The following NTRK3 variants were observed in gnomAD, a reference collection of about 807,000 sequenced individuals.
NTRK3 encodes the protein neurotrophic receptor tyrosine kinase 3.
A neutral mutation model predicts 91.7 loss-of-function variants in NTRK3; 24 were observed. The observed-to-expected ratio is 0.26, with a 90% CI of 0.19 to 0.37. The LOEUF is 0.37. NTRK3 is among the 10% of genes least tolerant of loss of function. NTRK3 has a pLI of 1.00. For synonymous variants in NTRK3, 483 were observed against 404.0 expected, an observed-to-expected ratio of 1.20 and a Z score of -2.34; for missense variants, 880 against 1,068.9, an observed-to-expected ratio of 0.82 and a Z score of 2.46.
In NTRK3 at chr15:87,877,088, C is replaced by T; in HGVS notation, c.2325G>A (p.Leu775=). The stretch of plus-strand genomic sequence containing the variant: ...CTTTGGGGCAGACTCGGGGCCGCTC[C>T]AAAACACGACCTTGGGTAATGCACT... Residue 775 remains leucine (L), a synonymous_variant, in exon 19 of 19, where the codon TTG becomes TTA. Coordinates refer to ENST00000394480, the Ensembl canonical transcript of NTRK3. 1.9e-6 allele frequency: 3 copies of T among 1,614,050 alleles called. No individual in the cohort carries two copies. The South Asian group carries it at 3.3e-5, about 18-fold the overall frequency.
At chr15:88,020,766 C>A (rs762625695) in intron 14 of NTRK3, among the ~76,000 whole-genome samples, 28 of 152,076 alleles carry the variant, frequency 1.8e-4, no homozygotes, top group Non-Finnish European at 2.8e-4. Flanking sequence ...CTAAGGCCAC[C>A]CACTCTCATG....
At chr15:87,863,606 G>A (rs549629962) in exon 19 of NTRK3, 46 of 220,280 alleles carry the variant, frequency 2.1e-4, no homozygotes, top group Admixed American at 1.7e-4. Context: ...CAGTTAATGC[G>A]TGCCAAAGTA....
At chr15:87,942,611 T>C (rs1254639499) in intron 14 of NTRK3, among the ~76,000 whole-genome samples, 1 of 151,992 alleles carries the variant, frequency 6.6e-6, no homozygotes, top group African/African-American at 2.4e-5. Context: ...CAAGCCCACA[T>C]CTCTGAACAC....
intron 14 of NTRK3, among the ~76,000 whole-genome samples, chr15:88,008,719 T>C (rs1422363448): frequency 6.6e-6 from 1 of 152,178 alleles, no homozygotes; most frequent in African/African-American, 2.4e-5. Context: ...CCCCAGCGAT[T>C]CTTCATATTA....
chr15:88,238,858 A>T (rs1359910740), intron 3 of NTRK3, among the ~76,000 whole-genome samples: 1 of 152,206 alleles, frequency 6.6e-6, no homozygotes, highest in African/African-American at 2.4e-5. Context: ...TGCAATAAAC[A>T]TGGGAACATG....
intron 17 of NTRK3, among the ~76,000 whole-genome samples, chr15:87,905,367 C>G (rs560120684): frequency 5.9e-5 from 9 of 152,162 alleles, no homozygotes; most frequent in African/African-American, 2.2e-4. Context: ...TGTAGCAGGT[C>G]TCTCTTCCGC....
chr15:88,232,894 C>G (rs35900795), intron 3 of NTRK3, among the ~76,000 whole-genome samples: 6 of 152,196 alleles, frequency 3.9e-5, no homozygotes, highest in Admixed American at 6.5e-5. Flanking sequence ...CACCCAGGAA[C>G]CCATCCCCCA....
At chr15:87,890,385 A>G (rs893898535) in intron 17 of NTRK3, among the ~76,000 whole-genome samples, 1 of 152,190 alleles carries the variant, frequency 6.6e-6, no homozygotes, top group Non-Finnish European at 1.5e-5. Flanking sequence ...ATCTTTTATA[A>G]ATAAAAAGTT....
At chr15:88,117,407 A>G (rs1471384616) in intron 13 of NTRK3, among the ~76,000 whole-genome samples, 2 of 152,212 alleles carry the variant, frequency 1.3e-5, no homozygotes, top group Non-Finnish European at 2.9e-5. Flanking sequence ...TGAAAAACCA[A>G]CTGATATTCT....
At chr15:88,105,962 T>C (rs2050660298) in intron 13 of NTRK3, among the ~76,000 whole-genome samples, 1 of 152,234 alleles carries the variant, frequency 6.6e-6, no homozygotes, top group African/African-American at 2.4e-5. Flanking sequence ...AGGACTCCAA[T>C]TCCAGTCTTA....
exon 19 of NTRK3, chr15:87,874,822 T>C (rs2064907159): frequency 8.6e-6 from 2 of 231,580 alleles, no homozygotes; most frequent in Admixed American, 1.1e-4. Flanking sequence ...AGAGGAGTAA[T>C]TGTCATAGGA....
At chr15:88,209,813 C>G (rs2049090033) in intron 3 of NTRK3, among the ~76,000 whole-genome samples, 1 of 152,246 alleles carries the variant, frequency 6.6e-6, no homozygotes, top group Non-Finnish European at 1.5e-5. Flanking sequence ...AACCCAGCCC[C>G]CAGCCAGTTG....
Position 88,255,096 on chromosome 15 carries a change from C to G in NTRK3, c.248+810G>C, listed in dbSNP as rs762695142. Among the ~76,000 whole-genome samples the G allele has an allele frequency of 6.6e-6, 1 of 152,276 alleles. No homozygotes were observed. Among genetic ancestry groups the G allele is most frequent in the East Asian group, 1.9e-4 (1 of 5,160 alleles). The stretch of plus-strand genomic sequence containing the variant: ...GTTGAATGTTCCAAATGAACCGATC[C>G]GCACGATCACACAAGAAACCCCTCT... On this transcript the variant is annotated intron_variant, in intron 3 of 18. Coordinates refer to ENST00000394480, the Ensembl canonical transcript of NTRK3. This position sits in a 1 kb window ranked among gnomAD's most constrained non-coding sequence, Gnocchi z 4.3.
At chr15:88,035,808 A>G (rs1464100501) in intron 13 of NTRK3, among the ~76,000 whole-genome samples, 1 of 152,238 alleles carries the variant, frequency 6.6e-6, no homozygotes, top group African/African-American at 2.4e-5. Context: ...CAGAGATGTC[A>G]GTGAAAACAC....
rs537424535 is a variant in NTRK3 at position 88,240,888 on chromosome 15, G to A, written c.248+15018C>T. Among the ~76,000 whole-genome samples, 7 of 152,366 alleles carry A rather than the reference G, an allele frequency of 4.6e-5. No individual in the cohort carries two copies. The highest frequency in any genetic ancestry group is 3.9e-4 in the Admixed American group (6 of 15,314). The stretch of plus-strand genomic sequence containing the variant: ...AGGGCAAAGCCCGAGGCCCACAAAG[G>A]TGTGGAGAGCAATGAGAATGGTGTG... On this transcript the variant is annotated intron_variant, in intron 3 of 18. Transcript: ENST00000394480. The surrounding 1 kb of genome is among the most constrained non-coding windows in gnomAD (Gnocchi z 4.9).
chr15:88,169,217 G>A (rs1379867313), intron 5 of NTRK3, among the ~76,000 whole-genome samples: 1 of 152,198 alleles, frequency 6.6e-6, no homozygotes, highest in Non-Finnish European at 1.5e-5. Flanking sequence ...GACTAAGGCA[G>A]GGAGTTTGGT....
intron 3 of NTRK3, among the ~76,000 whole-genome samples, chr15:88,211,157 T>C (rs2049212500): frequency 6.6e-6 from 1 of 152,238 alleles, no homozygotes; most frequent in Non-Finnish European, 1.5e-5. Context: ...AAAAATATCC[T>C]GTATCTATTG....
chr15:88,116,843 G>A (rs1207460068), intron 13 of NTRK3, among the ~76,000 whole-genome samples: 1 of 152,204 alleles, frequency 6.6e-6, no homozygotes. Flanking sequence ...AATCATTCAG[G>A]ATCACTCAGA....
intron 14 of NTRK3, chr15:87,979,505 T>C (rs756524994): frequency 2.8e-6 from 4 of 1,439,228 alleles, no homozygotes; most frequent in South Asian, 1.2e-5. Context: ...AAAAGCAAAA[T>C]AAAGTAAAAA....
Sources: allele counts gnomAD v4.1 joint callset (sites outside exome capture counted in the v4.1 genomes callset), GRCh38; gene constraint gnomAD v4.1.1; non-coding constraint Gnocchi (gnomAD v3.1); transcripts MANE v1.5; gene names NCBI Gene and HGNC (gene_info 2026-07-23, HGNC 2026-07-21).